Variants in BCAR3 observed in about 807,000 individuals in gnomAD.
The protein encoded by BCAR3 is breast cancer anti-estrogen resistance protein 3.
BCAR3 carries 37 observed loss-of-function variants against 80.1 expected under a neutral mutation model. That is an observed-to-expected ratio of 0.46 (90% CI 0.36 to 0.61). The LOEUF (loss-of-function observed/expected upper bound fraction) is 0.61, where lower values mean the gene tolerates loss of function less well. BCAR3 is among the 20% of genes least tolerant of loss of function. The pLI is 0.00. For synonymous variants in BCAR3, 389 were observed against 418.9 expected (o/e 0.93, Z 0.87); for missense variants, 978 against 1,068.2 (o/e 0.92, Z 1.18).
intron 2 of BCAR3, among the ~76,000 whole-genome samples, chr1:93,727,296 C>G (rs1650628733): frequency 6.6e-6 from 1 of 152,210 alleles, no homozygotes; most frequent in Admixed American, 6.5e-5. Context: ...TACCTTACCT[C>G]TAGCCCAAGG....
upstream of BCAR3, among the ~76,000 whole-genome samples, chr1:93,683,171 G>A (rs1043092601): frequency 5.9e-5 from 9 of 152,092 alleles, no homozygotes; most frequent in African/African-American, 1.4e-4. Flanking sequence ...ATTAAAAACA[G>A]GCAGAATATT....
At chr1:93,568,313 G>A (rs563447685) in intron 9 of BCAR3, among the ~76,000 whole-genome samples, 1 of 152,020 alleles carries the variant, frequency 6.6e-6, no homozygotes, top group African/African-American at 2.4e-5. Context: ...TCCCCCATCC[G>A]CCCCATCTGC....
At chr1:93,758,736 A>T (rs1396775560) in intron 2 of BCAR3, among the ~76,000 whole-genome samples, 1 of 152,194 alleles carries the variant, frequency 6.6e-6, no homozygotes, top group Non-Finnish European at 1.5e-5. Flanking sequence ...AAGTCACTTT[A>T]TCAGGTCCAG....
At chr1:93,700,109 A>G (rs1355663427) in intron 3 of BCAR3, among the ~76,000 whole-genome samples, 2 of 152,262 alleles carry the variant, frequency 1.3e-5, no homozygotes, top group Non-Finnish European at 2.9e-5. Context: ...CTGGGGGCTC[A>G]GCACACCCAA....
At chr1:93,723,372 G>T (rs1488169408) in intron 2 of BCAR3, 1 of 152,302 alleles carries the variant, frequency 6.6e-6, no homozygotes, top group South Asian at 2.1e-4. Context: ...TCAAAGGAGC[G>T]ATGTGCTGGA....
intron 3 of BCAR3, among the ~76,000 whole-genome samples, chr1:93,611,366 T>C (rs576790120): frequency 6.6e-6 from 1 of 152,342 alleles, no homozygotes; most frequent in Admixed American, 6.5e-5. Flanking sequence ...TCAACACGCA[T>C]GGACTTTAGA....
At chr1:93,733,036 A>G (rs1650845830) in intron 2 of BCAR3, among the ~76,000 whole-genome samples, 1 of 152,202 alleles carries the variant, frequency 6.6e-6, no homozygotes, top group South Asian at 2.1e-4. Flanking sequence ...CACGAAATAC[A>G]AAACTGAGAC....
chr1:93,706,325 C>G (rs997308895), intron 2 of BCAR3, among the ~76,000 whole-genome samples: 3 of 152,086 alleles, frequency 2.0e-5, no homozygotes, highest in African/African-American at 7.2e-5. Flanking sequence ...CTCACACCGC[C>G]CATTCTGCCT....
chr1:93,613,895 TGA>T, intron 3 of BCAR3: 2 of 1,550,596 alleles, frequency 1.3e-6, no homozygotes, highest in Non-Finnish European at 1.7e-6. Context: ...ACAGAGCTGC[TGA>T]GAGGGCGTGG....
chr1:93,787,744 T>C (rs1652999950), intron 2 of BCAR3, among the ~76,000 whole-genome samples: 1 of 152,242 alleles, frequency 6.6e-6, no homozygotes, highest in Admixed American at 6.5e-5. Flanking sequence ...ATGGTCTATC[T>C]TGGAGAATGT....
At chr1:93,800,025 A>T (rs2100787257) in intron 2 of BCAR3, among the ~76,000 whole-genome samples, 2 of 152,328 alleles carry the variant, frequency 1.3e-5, no homozygotes, top group African/African-American at 4.8e-5. Flanking sequence ...ATAAACCTCC[A>T]TTCCTTCCTA....
chr1:93,589,297 C>T lies in BCAR3; in HGVS notation c.609G>A (p.Arg203=), dbSNP rs1376627609. The change falls in exon 5 of 12, where the codon CGG becomes CGA. Residue 203 remains arginine (R), a synonymous_variant. Coordinates refer to ENST00000260502, the MANE Select transcript of BCAR3 (RefSeq NM_003567.4). ...KNLAQHFKIN[R]TVLRLSEAYS... The stretch of plus-strand genomic sequence containing the variant: ...AGGCCTCGCTGAGTCGCAGAACTGT[C>T]CGGTTGATTTTGAAGTGCTGAGCGA... 6.2e-7 allele frequency: 1 copy of T among 1,614,056 alleles called. No homozygotes were observed. The highest frequency in any genetic ancestry group is 8.5e-7 in the Non-Finnish European group (1 of 1,180,038).
At chr1:93,704,038 A>G (rs1420479766) in intron 3 of BCAR3, among the ~76,000 whole-genome samples, 1 of 152,264 alleles carries the variant, frequency 6.6e-6, no homozygotes, top group East Asian at 1.9e-4. Context: ...CAATGTGGCT[A>G]GTGGTTAGTG....
In BCAR3 at chr1:93,677,027, C is replaced by T. The variant is rs140230220; in HGVS notation, c.-11-2086G>A. On this transcript the variant is annotated intron_variant, in intron 1 of 11. Transcript: ENST00000260502. ...AATAACAAGGGATGTTAATACTTCC[C>T]CTTCTTACCTTCAATTCAACAAACA... is the stretch of plus-strand genomic sequence containing the variant. Among the ~76,000 whole-genome samples, 15 of 152,298 alleles carry T rather than the reference C, an allele frequency of 9.8e-5. No homozygotes were observed. In the East Asian group the frequency reaches 1.5e-3, roughly 16 times the overall value.
chr1:93,667,946 G>A lies in BCAR3; in HGVS notation c.317+6668C>T, dbSNP rs1648004274. ...TGTGTATTCTAGCCAGGCTAGGCTG[G>A]CTCGCAAATCCACATGTGATAAGAA... On this transcript the variant is annotated intron_variant, in intron 2 of 11. Coordinates refer to ENST00000260502, the MANE Select transcript of BCAR3 (RefSeq NM_003567.4). Among the ~76,000 whole-genome samples the A allele has an allele frequency of 1.3e-5, 2 of 152,168 alleles. 1 individual carries two copies. Among genetic ancestry groups the A allele is most frequent in the South Asian group, 4.1e-4 (2 of 4,830 alleles).
At chr1:93,676,305 G>C (rs973277124) in intron 1 of BCAR3, among the ~76,000 whole-genome samples, 1 of 151,018 alleles carries the variant, frequency 6.6e-6, no homozygotes, top group South Asian at 2.1e-4. Context: ...AATGACATTA[G>C]AGTGTGTAAA....
chr1:93,756,202 T>C (rs531302977), intron 2 of BCAR3, among the ~76,000 whole-genome samples: 10 of 152,342 alleles, frequency 6.6e-5, no homozygotes, highest in African/African-American at 2.4e-4. Context: ...TGGTCTAGAA[T>C]TGTTTTCTTT....
chr1:93,652,865 T>C (rs577462324), intron 2 of BCAR3, among the ~76,000 whole-genome samples: 134 of 152,380 alleles, frequency 8.8e-4, no homozygotes, highest in African/African-American at 3.0e-3. Flanking sequence ...AACATCACTG[T>C]GTCTACTCTG....
At chr1:93,613,843 C>A in intron 3 of BCAR3, 1 of 1,550,374 alleles carries the variant, frequency 6.5e-7, no homozygotes, top group Non-Finnish European at 8.7e-7. Flanking sequence ...CAAACCAAAC[C>A]TACCTTGACT....
Sources: gnomAD v4.1 joint callset for allele counts (sites outside exome capture counted in the v4.1 genomes callset) on GRCh38, gnomAD v4.1.1 for gene constraint, MANE v1.5 for transcripts, NCBI Gene and HGNC (gene_info 2026-07-23, HGNC 2026-07-21) for gene names.